Variants in C19orf53 observed in about 807,000 individuals in gnomAD.
The protein encoded by C19orf53 is chromosome 19 open reading frame 53, also known as leydig cell tumor 10 kDa protein homolog.
Under a neutral mutation model 6.5 loss-of-function variants are expected in C19orf53, and 9 were observed. That is an observed-to-expected ratio of 1.38 (90% CI 0.83 to 2.40). C19orf53 has a LOEUF of 2.40. Ranked by LOEUF, C19orf53 falls within the 30% of genes most tolerant of loss-of-function variation. The pLI is 0.00. For missense variants in C19orf53, 166 were observed against 129.7 expected, an observed-to-expected ratio of 1.28 and a Z score of -1.36; for synonymous variants, 68 against 52.5, an observed-to-expected ratio of 1.29 and a Z score of -1.27.
intron 2 of C19orf53, among the ~76,000 whole-genome samples, chr19:13,777,242 GC>G (rs1209604830): frequency 3.0e-5 from 4 of 135,236 alleles, no homozygotes; most frequent in Non-Finnish European, 6.1e-5. Flanking sequence ...ACTGCACCCA[GC>G]CGGAACTTTT....
intron 2 of C19orf53, among the ~76,000 whole-genome samples, chr19:13,776,100 G>A (rs562091752): frequency 6.7e-6 from 1 of 149,206 alleles, no homozygotes; most frequent in South Asian, 2.1e-4. Context: ...TGGGATTACA[G>A]GCCTGCACCA....
At chr19:13,777,824 A>G (rs1263559943) in intron 2 of C19orf53, among the ~76,000 whole-genome samples, 1 of 152,178 alleles carries the variant, frequency 6.6e-6, no homozygotes, top group East Asian at 1.9e-4. Context: ...TAAAATGGGC[A>G]TGAGCAGAGG....
At position 13,778,234 on chromosome 19, in the gene C19orf53, C is replaced by G. The variant is rs764465988; in HGVS notation, c.*36C>G. The G allele has an allele frequency of 3.2e-6, 5 of 1,539,838 alleles. No individual in the cohort carries two copies. The South Asian group carries it at 3.7e-5, about 11-fold the overall frequency. ...CCCAGTGCAGGCCAACATCCCACCC[C>G]CTACCTCCATATGGGACCTTGCAAG... On this transcript the variant is annotated 3_prime_UTR_variant, in exon 3 of 3. Coordinates refer to ENST00000588234, the MANE Select transcript of C19orf53 (RefSeq NM_014047.3).
In C19orf53 at chr19:13,774,506, C is replaced by A; in HGVS notation, c.29C>A (p.Ala10Glu). 1 of 1,612,572 alleles carries A rather than the reference C, an allele frequency of 6.2e-7. No individual in the cohort carries two copies. The highest frequency in any genetic ancestry group is 8.5e-7 in the Non-Finnish European group (1 of 1,179,376). The change falls in exon 1 of 3, where the codon GCG (alanine) becomes GAG (glutamate). Residue 10 changes from alanine (A) to glutamate (E), a missense_variant. Ala to Glu is a moderately radical substitution (Grantham distance 107). Coordinates refer to ENST00000588234, the MANE Select transcript of C19orf53 (RefSeq NM_014047.3). Reference protein sequence around the residue: MAQGQRKFQAHKPAKSKTAA... With the variant: MAQGQRKFQEHKPAKSKTAA... ...GCGCAGGGGCAGCGCAAGTTTCAGG[C>A]GCACAAACCCGCAAAGAGTAAGACG...
At chr19:13,774,752 A>T (rs1174854638) in intron 2 of C19orf53, 45 bp downstream of exon 2, 1 of 1,565,704 alleles carries the variant, frequency 6.4e-7, no homozygotes, top group South Asian at 1.2e-5. Flanking sequence ...GCGAGTAGCG[A>T]GGGGTGGAAC....
chr19:13,777,450 TC>T (rs1402516606), intron 2 of C19orf53, among the ~76,000 whole-genome samples: 2 of 152,142 alleles, frequency 1.3e-5, no homozygotes, highest in African/African-American at 4.8e-5. Flanking sequence ...GGTCTCGAGT[TC>T]CTGGGCTCAA....
Position 13,776,124 on chromosome 19 carries a change from ATTTTTTTT to A in C19orf53, c.153+1437_153+1444del, listed in dbSNP as rs57201742. Among the ~76,000 whole-genome samples, 81 of 84,918 alleles carry A rather than the reference ATTTTTTTT, an allele frequency of 9.5e-4. 1 individual carries two copies. Among genetic ancestry groups the A allele is most frequent in the African/African-American group, 3.1e-3 (67 of 21,708 alleles). 55.7% of individuals were successfully genotyped at this position (84,918 alleles called of 152,430 possible). A position where few individuals can be genotyped will look rare whatever the true frequency, so the allele number is the denominator to read the frequency against. ...AGGCCTGCACCACCACACCGGGCTA[ATTTTTTTT>A]TTTTTTTTTTTTTTTTTTTGTAATT... On this transcript the variant is annotated intron_variant, in intron 2 of 2. Transcript: ENST00000588234.
At position 13,778,299 on chromosome 19, in the gene C19orf53, C is replaced by A; in HGVS notation, c.*101C>A. ...GCACTGTCAGGAAGAGGACCCTGTCCCCCAGCACTGGGCTTCACCTAGAAC... is the reference window on the plus strand; with the variant it reads ...GCACTGTCAGGAAGAGGACCCTGTCACCCAGCACTGGGCTTCACCTAGAAC... On this transcript the variant is annotated 3_prime_UTR_variant, in exon 3 of 3. Transcript: ENST00000588234. 1 of 1,373,570 alleles carries A rather than the reference C, an allele frequency of 7.3e-7. No individual in the cohort carries two copies. Among genetic ancestry groups the A allele is most frequent in the Non-Finnish European group, 9.6e-7 (1 of 1,041,458 alleles). The allele number at this position is 1,373,570 out of a possible 1,614,324, so 85.1% of individuals were successfully genotyped here. A position where few individuals can be genotyped will look rare whatever the true frequency, so the allele number is the denominator to read the frequency against.
chr19:13,775,732 T>G (rs546877887), intron 2 of C19orf53: 2 of 152,196 alleles, frequency 1.3e-5, no homozygotes, highest in Non-Finnish European at 2.9e-5. Context: ...GCAAATTGTT[T>G]CGTCACCCCA....
At chr19:13,775,835 A>G (rs534337191) in intron 2 of C19orf53, among the ~76,000 whole-genome samples, 2 of 151,966 alleles carry the variant, frequency 1.3e-5, no homozygotes, top group Non-Finnish European at 2.9e-5. Context: ...AGCATGTCCA[A>G]AACCAAATTC....
chr19:13,776,278 C>T (rs1001978960), intron 2 of C19orf53, among the ~76,000 whole-genome samples: 4 of 151,698 alleles, frequency 2.6e-5, no homozygotes, highest in Non-Finnish European at 5.9e-5. Flanking sequence ...GTGCTCGCCC[C>T]TATTTTGCCC....
At chr19:13,775,875 C>G (rs1222925834) in intron 2 of C19orf53, among the ~76,000 whole-genome samples, 1 of 152,130 alleles carries the variant, frequency 6.6e-6, no homozygotes, top group African/African-American at 2.4e-5. Context: ...CTGCCCTCCT[C>G]CCCCTGTGAT....
Position 13,778,575 on chromosome 19 carries a change from A to G in C19orf53, c.*377A>G, listed in dbSNP as rs10416625. 7,244 of 162,880 alleles carry G rather than the reference A, an allele frequency of 0.044. 557 individuals are homozygous for G. Among genetic ancestry groups the G allele is most frequent in the African/African-American group, 0.16 (6,876 of 41,850 alleles). The allele number at this position is 162,880 out of a possible 1,614,324, so 10.1% of individuals were successfully genotyped here. On this transcript the variant is annotated 3_prime_UTR_variant, in exon 3 of 3. Coordinates refer to ENST00000588234, the MANE Select transcript of C19orf53 (RefSeq NM_014047.3). Reference sequence around the variant, plus strand: ...CACCGCCTTTAGCAACCATGTGCCCAGGGGACAGCTGGGCTTCTACACCTC... The same window carrying G: ...CACCGCCTTTAGCAACCATGTGCCCGGGGGACAGCTGGGCTTCTACACCTC...
intron 2 of C19orf53, among the ~76,000 whole-genome samples, chr19:13,777,749 C>T (rs1974385476): frequency 6.6e-6 from 1 of 152,190 alleles, no homozygotes; most frequent in African/African-American, 2.4e-5. Flanking sequence ...CACGCCGGAT[C>T]CCATGCAGTT....
Position 13,774,486 on chromosome 19 carries a change from G to A in C19orf53, c.9G>A (p.Gln3=), listed in dbSNP as rs1194134097. ...CCGCTGCGTGCCGGACCATGGCGCA[G>A]GGGCAGCGCAAGTTTCAGGCGCACA... MA[Q]GQRKFQAHKP... Residue 3 remains glutamine (Q), a synonymous_variant, in exon 1 of 3, where the codon CAG becomes CAA. Coordinates refer to ENST00000588234, the MANE Select transcript of C19orf53 (RefSeq NM_014047.3). 3.7e-6 allele frequency: 6 copies of A among 1,606,950 alleles called. No homozygotes were observed. Among genetic ancestry groups the A allele is most frequent in the Non-Finnish European group, 5.1e-6 (6 of 1,177,026 alleles).
chr19:13,774,762 C>T, intron 2 of C19orf53, 55 bp downstream of exon 2: 1 of 1,556,066 alleles, frequency 6.4e-7, no homozygotes, highest in East Asian at 2.3e-5. Context: ...AGGGGTGGAA[C>T]CCGGAGGACG....
In C19orf53 at chr19:13,774,632, G is replaced by T; in HGVS notation, c.98-20G>T. ...TGGACCCCCGGCTTCCCGGCCTCAC[G>T]TGAGCACATCTTTCCCCAGGTCGTG... On this transcript the variant is annotated intron_variant, in intron 1 of 2. Coordinates refer to ENST00000588234, the MANE Select transcript of C19orf53 (RefSeq NM_014047.3). The T allele has an allele frequency of 6.2e-7, 1 of 1,613,200 alleles. No individual in the cohort carries two copies. The highest frequency in any genetic ancestry group is 8.5e-7 in the Non-Finnish European group (1 of 1,179,184).
chr19:13,777,619 G>GT (rs1440225002), intron 2 of C19orf53, among the ~76,000 whole-genome samples: 2 of 151,170 alleles, frequency 1.3e-5, no homozygotes, highest in Non-Finnish European at 2.9e-5. Context: ...CCCCACGCTT[G>GT]TGCCTTACTT....
rs758573570 is a variant in C19orf53, at chr19:13,774,661, T to C, written c.107T>C (p.Ile36Thr). 16 of 1,610,116 alleles carry C rather than the reference T, an allele frequency of 9.9e-6. No individual in the cohort carries two copies. The highest frequency in any genetic ancestry group is 2.7e-5 in the African/African-American group (2 of 74,858). ...NRGPRKGGRV[I>T]APKKARVVQQ... The stretch of plus-strand genomic sequence containing the variant: ...GCACATCTTTCCCCAGGTCGTGTTA[T>C]CGCTCCCAAGAAGGCGCGCGTCGTG... The change falls in exon 2 of 3, where the codon ATC (isoleucine) becomes ACC (threonine). Residue 36 changes from isoleucine to threonine, a missense_variant. Coordinates refer to ENST00000588234, the MANE Select transcript of C19orf53 (RefSeq NM_014047.3).
Sources: allele counts gnomAD v4.1 joint callset (sites outside exome capture counted in the v4.1 genomes callset), GRCh38; gene constraint gnomAD v4.1.1; transcripts MANE v1.5; gene names NCBI Gene and HGNC (gene_info 2026-07-23, HGNC 2026-07-21).